The following DPPA2 variants were observed in gnomAD, a reference collection of about 807,000 sequenced individuals.
The protein encoded by DPPA2 is developmental pluripotency associated 2.
In DPPA2, 26 loss-of-function variants were observed where a neutral mutation model predicts 36.2. That is an observed-to-expected ratio of 0.72 (90% CI 0.53 to 1.00). The LOEUF (loss-of-function observed/expected upper bound fraction) is 1.00, where lower values mean the gene tolerates loss of function less well. Ranked by LOEUF, DPPA2 falls within the 50% of genes least tolerant of loss-of-function variation. The pLI is 0.00. For missense variants in DPPA2, 361 were observed against 365.1 expected, an observed-to-expected ratio of 0.99 and a Z score of 0.09; for synonymous variants, 113 against 123.2, an observed-to-expected ratio of 0.92 and a Z score of 0.55.
At chr3:109,294,897 T>A (rs1707324107) in intron 8 of DPPA2, among the ~76,000 whole-genome samples, 1 of 152,088 alleles carries the variant, frequency 6.6e-6, no homozygotes, top group Admixed American at 6.5e-5. Flanking sequence ...GGCCAGTGCC[T>A]GTAATCCCAG....
intron 8 of DPPA2, among the ~76,000 whole-genome samples, chr3:109,299,784 C>T (rs1559694898): frequency 6.7e-6 from 1 of 148,858 alleles, no homozygotes; most frequent in East Asian, 2.0e-4. Context: ...CTATGTTGCC[C>T]AGGCTGGAGT....
In DPPA2 at chr3:109,304,546, G is replaced by A. The variant is rs756084064; in HGVS notation, c.783C>T (p.Phe261=). The A allele has an allele frequency of 6.8e-6, 11 of 1,614,010 alleles. No homozygotes were observed. The highest frequency in any genetic ancestry group is 9.3e-6 in the Non-Finnish European group (11 of 1,180,050). ...ATGGGAAAATGCAGGCAGGTAACAAGAAGAGAGAAATCATCCTCCTGTGAG... is the reference window on the plus strand; with the variant it reads ...ATGGGAAAATGCAGGCAGGTAACAAAAAGAGAGAAATCATCCTCCTGTGAG... ...PTTHRRMISL[F]LLPACIFPSP... The change falls in exon 7 of 9, where the codon TTC becomes TTT. Residue 261 remains phenylalanine, a synonymous_variant. Transcript: ENST00000478945.
intron 3 of DPPA2, among the ~76,000 whole-genome samples, chr3:109,310,562 G>A (rs369854015): frequency 1.3e-5 from 2 of 151,364 alleles, no homozygotes; most frequent in Admixed American, 6.6e-5. Flanking sequence ...CTGGAGTGCA[G>A]TGGCGCGATC....
intron 8 of DPPA2, among the ~76,000 whole-genome samples, chr3:109,294,724 G>A (rs974168693): frequency 1.3e-5 from 2 of 152,328 alleles, no homozygotes; most frequent in Admixed American, 6.5e-5. Flanking sequence ...AGAAGGTTCT[G>A]TAGAAAAACT....
chr3:109,310,502 G>GT (rs1243273423), intron 3 of DPPA2, among the ~76,000 whole-genome samples: 2 of 149,794 alleles, frequency 1.3e-5, no homozygotes, highest in Non-Finnish European at 3.0e-5. Context: ...ACCTATGTAG[G>GT]TTTTTTTTGT....
chr3:109,315,770 T>TCCTTTGGGAGG (rs928331523), intron 1 of DPPA2, among the ~76,000 whole-genome samples: 2 of 152,074 alleles, frequency 1.3e-5, no homozygotes, highest in African/African-American at 4.8e-5. Flanking sequence ...ATGTCTGTAA[T>TCCTTTGGGAGG]CCTTTGGGAG....
chr3:109,298,105 T>A (rs1312222304), intron 8 of DPPA2, among the ~76,000 whole-genome samples: 1 of 151,842 alleles, frequency 6.6e-6, no homozygotes, highest in Non-Finnish European at 1.5e-5. Flanking sequence ...AGCAAAAAGA[T>A]CTATGGTTTC....
intron 7 of DPPA2, among the ~76,000 whole-genome samples, chr3:109,302,517 G>A (rs953356527): frequency 3.9e-5 from 6 of 151,904 alleles, no homozygotes; most frequent in African/African-American, 7.3e-5. Context: ...GCAGTGGTGC[G>A]ATCTTGCCTC....
chr3:109,297,475 G>A (rs1707376144), intron 8 of DPPA2, among the ~76,000 whole-genome samples: 1 of 151,730 alleles, frequency 6.6e-6, no homozygotes, highest in Non-Finnish European at 1.5e-5. Context: ...AGTGAACTGA[G>A]ATCACGCCAC....
intron 6 of DPPA2, among the ~76,000 whole-genome samples, chr3:109,307,603 C>CAAAAAAAAAAAAAA: frequency 2.3e-5 from 1 of 43,826 alleles, no homozygotes; most frequent in Non-Finnish European, 5.0e-5. Context: ...AACTCCATCT[C>CAAAAAAAAAAAAAA]AAAAAAAAAA....
At chr3:109,295,861 A>G (rs969306854) in intron 8 of DPPA2, among the ~76,000 whole-genome samples, 1 of 152,172 alleles carries the variant, frequency 6.6e-6, no homozygotes, top group Non-Finnish European at 1.5e-5. Context: ...GGAAATTCCA[A>G]GAATCAAAAT....
chr3:109,309,021 C>T lies in DPPA2; in HGVS notation c.396+5G>A. On this transcript the variant is annotated splice_donor_5th_base_variant and intron_variant, in intron 5 of 8. Transcript: ENST00000478945. Reference sequence around the variant, plus strand: ...CTTCACACCATCAACACACTCATTACTCACTTGCCGTTGTTCAGGGTAAGC... The same window carrying T: ...CTTCACACCATCAACACACTCATTATTCACTTGCCGTTGTTCAGGGTAAGC... 6.2e-7 allele frequency: 1 copy of T among 1,614,212 alleles called. No individual in the cohort carries two copies. Among genetic ancestry groups the T allele is most frequent in the African/African-American group, 1.3e-5 (1 of 75,056 alleles).
At chr3:109,314,596 T>C (rs2107322794) in intron 1 of DPPA2, 41 bp from the exon 2 acceptor site, 9 of 1,561,580 alleles carry the variant, frequency 5.8e-6, no homozygotes, top group Non-Finnish European at 7.9e-6. Flanking sequence ...ATATGGTAGT[T>C]TACTTCTCTT....
At chr3:109,310,425 A>G (rs1237672428) in intron 3 of DPPA2, among the ~76,000 whole-genome samples, 1 of 150,714 alleles carries the variant, frequency 6.6e-6, no homozygotes, top group African/African-American at 2.4e-5. Context: ...AAAAAAAAAA[A>G]AAAAGGGAGG....
intron 8 of DPPA2, among the ~76,000 whole-genome samples, chr3:109,298,720 T>C (rs1707403635): frequency 7.3e-6 from 1 of 137,368 alleles, no homozygotes; most frequent in East Asian, 2.2e-4. Context: ...TGTCTAAAAA[T>C]AATAATAATA....
rs1018002735 is a variant in DPPA2 at position 109,308,426 on chromosome 3, G to A, written c.397-133C>T. 6.5e-6 allele frequency: 8 copies of A among 1,234,208 alleles called. No individual in the cohort carries two copies. The Admixed American group carries it at 8.5e-5, about 13-fold the overall frequency. 76.5% of individuals were successfully genotyped at this position (1,234,208 alleles called of 1,614,324 possible). On this transcript the variant is annotated intron_variant, in intron 5 of 8. Coordinates refer to ENST00000478945, the MANE Select transcript of DPPA2 (RefSeq NM_138815.4). ...TGCCCAGGCTGGAGTGCAATGGCAC[G>A]ATCTCGGCTCACCGCAACCTCCGCC...
In DPPA2 at chr3:109,300,443, G is replaced by C. The variant is rs757263815; in HGVS notation, c.855-8C>G. ...TTCATCATCTTCTTATTCCTGTAAG[G>C]CAAGTAGAAAAGAACTGTGAAATAT... On this transcript the variant is annotated splice_polypyrimidine_tract_variant and splice_region_variant and intron_variant, in intron 7 of 8. Coordinates refer to ENST00000478945, the MANE Select transcript of DPPA2 (RefSeq NM_138815.4). 4.3e-6 allele frequency: 7 copies of C among 1,613,546 alleles called. No homozygotes were observed. In the East Asian group the frequency reaches 1.6e-4, roughly 36 times the overall value.
At chr3:109,298,698 A>G (rs751897522) in intron 8 of DPPA2, among the ~76,000 whole-genome samples, 15 of 143,292 alleles carry the variant, frequency 1.0e-4, no homozygotes, top group Non-Finnish European at 2.1e-4. Context: ...GCCTGGTGAT[A>G]AAGTATGATT....
At chr3:109,295,736 G>A (rs935158615) in intron 8 of DPPA2, among the ~76,000 whole-genome samples, 3 of 152,092 alleles carry the variant, frequency 2.0e-5, no homozygotes, top group African/African-American at 7.2e-5. Context: ...AGATATGGCA[G>A]AGATGTTGAA....
Sources: allele counts gnomAD v4.1 joint callset (sites outside exome capture counted in the v4.1 genomes callset), GRCh38; gene constraint gnomAD v4.1.1; transcripts MANE v1.5; gene names NCBI Gene and HGNC (gene_info 2026-07-23, HGNC 2026-07-21).